The following SYNE1 variants were observed in gnomAD, a reference collection of about 807,000 sequenced individuals.
SYNE1 encodes nesprin-1.
SYNE1 carries 616 observed loss-of-function variants against 1,111.0 expected under a neutral mutation model. The observed-to-expected ratio is 0.55, with a 90% CI of 0.52 to 0.59. SYNE1 has a LOEUF of 0.59. Ranked by LOEUF, SYNE1 falls within the 20% of genes least tolerant of loss-of-function variation. The probability of loss-of-function intolerance (pLI) is 0.00; values close to 1 mark genes in which losing one functional copy is unlikely to be tolerated. For synonymous variants in SYNE1, 3,855 were observed against 3,825.8 expected, an observed-to-expected ratio of 1.01 and a Z score of -0.28; for missense variants, 10,006 against 10,417.0, an observed-to-expected ratio of 0.96 and a Z score of 1.72.
intron 104 of SYNE1, among the ~76,000 whole-genome samples, chr6:152,251,325 A>G (rs974619842): frequency 2.6e-5 from 4 of 152,190 alleles, no homozygotes; most frequent in Non-Finnish European, 5.9e-5. Flanking sequence ...CACAGAGTTC[A>G]TATTTCTGGA....
chr6:152,355,187 T>TAC (rs371031930), intron 66 of SYNE1, among the ~76,000 whole-genome samples: 9 of 151,816 alleles, frequency 5.9e-5, no homozygotes, highest in Middle Eastern at 3.2e-3. Context: ...ATAATCAACA[T>TAC]ACACACACAC....
chr6:152,559,222 G>A (rs1266729672), intron 3 of SYNE1, among the ~76,000 whole-genome samples: 1 of 151,634 alleles, frequency 6.6e-6, no homozygotes, highest in Non-Finnish European at 1.5e-5. Flanking sequence ...AGCCTCCTGA[G>A]TAGCTGCTGG....
chr6:152,439,213 A>G (rs2098504568), intron 32 of SYNE1, among the ~76,000 whole-genome samples: 1 of 152,244 alleles, frequency 6.6e-6, no homozygotes, highest in Non-Finnish European at 1.5e-5. Flanking sequence ...ACAAGACTCA[A>G]AAGATTCCAT....
intron 91 of SYNE1, among the ~76,000 whole-genome samples, chr6:152,303,903 G>GCACACACA (rs59642173): frequency 4.7e-5 from 7 of 149,458 alleles, no homozygotes; most frequent in African/African-American, 1.7e-4. Context: ...GTGTGCACAT[G>GCACACACA]CACACACACA....
chr6:152,311,288 G>T (rs1257780675), intron 87 of SYNE1: 2 of 202,144 alleles, frequency 9.9e-6, no homozygotes, highest in Admixed American at 5.3e-5. Context: ...TATTCTATAC[G>T]ACTGAAGTTC....
At chr6:152,221,802 A>G (rs1394594075) in intron 117 of SYNE1, among the ~76,000 whole-genome samples, 1 of 152,188 alleles carries the variant, frequency 6.6e-6, no homozygotes, top group Non-Finnish European at 1.5e-5. Context: ...TGGCATTTGC[A>G]TTCTGCTGAA....
chr6:152,442,065 C>T lies in SYNE1; in HGVS notation c.4008+10G>A, dbSNP rs1421720576. On this transcript the variant is annotated intron_variant, in intron 31 of 145. Transcript: ENST00000367255. Reference sequence around the variant, plus strand: ...CTCTGTTTAAATGGCCCCTAACTTCCGGCTCCTACCTGGATGCGGCGTTCC... The same window carrying T: ...CTCTGTTTAAATGGCCCCTAACTTCTGGCTCCTACCTGGATGCGGCGTTCC... 1.2e-6 allele frequency: 2 copies of T among 1,613,980 alleles called. No individual in the cohort carries two copies. Among genetic ancestry groups the T allele is most frequent in the Non-Finnish European group, 1.7e-6 (2 of 1,180,032 alleles).
At chr6:152,431,563 G>T (rs1427745411) in intron 34 of SYNE1, among the ~76,000 whole-genome samples, 2 of 152,144 alleles carry the variant, frequency 1.3e-5, no homozygotes, top group African/African-American at 4.8e-5. Flanking sequence ...AAGCTTGTTT[G>T]TATATAAGAA....
intron 16 of SYNE1, among the ~76,000 whole-genome samples, chr6:152,468,919 G>A (rs1016331915): frequency 6.6e-6 from 1 of 152,056 alleles, no homozygotes; most frequent in Non-Finnish European, 1.5e-5. Flanking sequence ...GAAACTACAG[G>A]TGCACACCAT....
rs60608956 is a variant in SYNE1, at chr6:152,391,593, AAG to A, written c.7713-27_7713-26del. The A allele has an allele frequency of 5.9e-4, 904 of 1,532,682 alleles. 3 individuals are homozygous for A. The African/African-American group carries it at 0.016, about 28-fold the overall frequency. 94.9% of individuals were successfully genotyped at this position (1,532,682 alleles called of 1,614,324 possible). On this transcript the variant is annotated intron_variant, in intron 51 of 145. Transcript: ENST00000367255. ...TCTGAAAAAAAGGAAAAAAAAAAAA[AAG>A]AAAAAAAATTAATTCTGACATCCTG... is the stretch of plus-strand genomic sequence containing the variant.
chr6:152,573,636 G>C (rs190965819), intron 3 of SYNE1, among the ~76,000 whole-genome samples: 366 of 152,192 alleles, frequency 2.4e-3, no homozygotes, highest in African/African-American at 8.0e-3. Flanking sequence ...CTATCTTCAA[G>C]AAATGTCAAG....
At position 152,132,206 on chromosome 6, in the gene SYNE1, A is replaced by G. The variant is rs147013319; in HGVS notation, c.26010T>C (p.Ser8670=). Residue 8670 remains serine (S), a synonymous_variant, in exon 144 of 146, where the codon TCT becomes TCC. Transcript: ENST00000367255. ...LDVSSSQQDL[S]SWSSADELDT... Reference sequence around the variant, plus strand: ...CCAGTTCATCAGCAGAAGACCAGGAAGACAAATCCTATGTGGGAGAAAGAT... The same window carrying G: ...CCAGTTCATCAGCAGAAGACCAGGAGGACAAATCCTATGTGGGAGAAAGAT... 1 of 1,613,998 alleles carries G rather than the reference A, an allele frequency of 6.2e-7. No homozygotes were observed. The highest frequency in any genetic ancestry group is 8.5e-7 in the Non-Finnish European group (1 of 1,179,968).
chr6:152,295,648 G>GCA (rs538123180), intron 93 of SYNE1, among the ~76,000 whole-genome samples: 155 of 151,110 alleles, frequency 1.0e-3, no homozygotes, highest in Non-Finnish European at 2.0e-3. Context: ...ACACAAACAC[G>GCA]CACACACACA....
chr6:152,573,848 G>T (rs2099484058), intron 3 of SYNE1, among the ~76,000 whole-genome samples: 1 of 152,064 alleles, frequency 6.6e-6, no homozygotes. Context: ...ATCATATACA[G>T]CAAACTTCTA....
intron 145 of SYNE1, chr6:152,126,595 G>A (rs1239487255): frequency 6.6e-6 from 1 of 152,132 alleles, no homozygotes; most frequent in East Asian, 1.9e-4. Flanking sequence ...AGCAAAAAAC[G>A]TGCTTATTTG....
At chr6:152,219,318 C>G (rs2079518284) in intron 119 of SYNE1, 133 bp from the exon 120 acceptor site, 1 of 931,964 alleles carries the variant, frequency 1.1e-6, no homozygotes, top group Non-Finnish European at 1.7e-6. Context: ...ATAAACTTCA[C>G]CTGTGGAAAA....
chr6:152,170,935 C>T (rs911688490), intron 130 of SYNE1, among the ~76,000 whole-genome samples: 10 of 152,100 alleles, frequency 6.6e-5, no homozygotes, highest in Admixed American at 2.6e-4. Context: ...CTTGTGGTAG[C>T]GAATAAATCT....
intron 45 of SYNE1, among the ~76,000 whole-genome samples, chr6:152,405,966 A>G (rs1462392371): frequency 6.6e-6 from 1 of 151,980 alleles, no homozygotes; most frequent in African/African-American, 2.4e-5. Flanking sequence ...ATCATAGCCC[A>G]ATTACTACTT....
At chr6:152,527,317 T>G (rs2099168202) in intron 4 of SYNE1, among the ~76,000 whole-genome samples, 1 of 152,170 alleles carries the variant, frequency 6.6e-6, no homozygotes, top group South Asian at 2.1e-4. Context: ...TAAAATGTAT[T>G]TTTCTCTCAT....
Sources: gnomAD v4.1 joint callset for allele counts (sites outside exome capture counted in the v4.1 genomes callset) on GRCh38, gnomAD v4.1.1 for gene constraint, MANE v1.5 for transcripts, NCBI Gene and HGNC (gene_info 2026-07-23, HGNC 2026-07-21) for gene names.